The following STK39 variants were observed in gnomAD, a reference collection of about 807,000 sequenced individuals.
STK39 encodes STE20/SPS1-related proline-alanine-rich protein kinase.
STK39 carries 20 observed loss-of-function variants against 77.8 expected under a neutral mutation model. The observed-to-expected ratio is 0.26, with a 90% CI of 0.18 to 0.37. STK39 has a LOEUF of 0.37. STK39 is among the 10% of genes least tolerant of loss of function. STK39 has a pLI of 1.00. For synonymous variants in STK39, 246 were observed against 234.1 expected, an observed-to-expected ratio of 1.05 and a Z score of -0.47; for missense variants, 479 against 656.5, an observed-to-expected ratio of 0.73 and a Z score of 2.95.
intron 16 of STK39, among the ~76,000 whole-genome samples, chr2:167,972,102 G>C (rs951910709): frequency 6.6e-6 from 1 of 152,212 alleles, no homozygotes; most frequent in African/African-American, 2.4e-5. Context: ...CAGGGCTACA[G>C]TGTGGCAAGC....
chr2:167,998,753 G>A (rs998137079), intron 16 of STK39, among the ~76,000 whole-genome samples: 7 of 152,104 alleles, frequency 4.6e-5, no homozygotes, highest in Admixed American at 2.0e-4. Flanking sequence ...ATTACAAATC[G>A]CTTTTCAATG....
intron 10 of STK39, among the ~76,000 whole-genome samples, chr2:168,100,384 G>C (rs947309227): frequency 6.6e-6 from 1 of 152,088 alleles, no homozygotes; most frequent in Non-Finnish European, 1.5e-5. Flanking sequence ...ATCAGGATAC[G>C]TCATTTTACC....
chr2:168,071,036 T>C (rs990266351), intron 12 of STK39, among the ~76,000 whole-genome samples: 2 of 152,200 alleles, frequency 1.3e-5, no homozygotes. Flanking sequence ...TGATTAATAC[T>C]GTAATACTTG....
At chr2:167,984,359 G>A (rs1427104644) in intron 16 of STK39, among the ~76,000 whole-genome samples, 1 of 152,178 alleles carries the variant, frequency 6.6e-6, no homozygotes, top group Non-Finnish European at 1.5e-5. Context: ...TCGAGAGGGA[G>A]GTGACACTCA....
At chr2:167,981,380 A>G (rs1683413410) in intron 16 of STK39, among the ~76,000 whole-genome samples, 1 of 152,202 alleles carries the variant, frequency 6.6e-6, no homozygotes, top group African/African-American at 2.4e-5. Context: ...TGCAAATAAT[A>G]TTATCCTGCT....
At chr2:168,085,332 C>T (rs915683540) in intron 10 of STK39, among the ~76,000 whole-genome samples, 5 of 152,150 alleles carry the variant, frequency 3.3e-5, no homozygotes, top group Non-Finnish European at 2.9e-5. Flanking sequence ...AAGGAGCTGG[C>T]CACCCACGCC....
intron 1 of STK39, among the ~76,000 whole-genome samples, chr2:168,241,098 G>A (rs1358113271): frequency 6.6e-6 from 1 of 152,196 alleles, no homozygotes; most frequent in East Asian, 1.9e-4. Flanking sequence ...AGATAACCGA[G>A]TAGCCAGAGG....
At chr2:167,999,368 G>C (rs1406372539) in intron 16 of STK39, among the ~76,000 whole-genome samples, 1 of 152,126 alleles carries the variant, frequency 6.6e-6, no homozygotes, top group African/African-American at 2.4e-5. Flanking sequence ...TCTGCCTCTC[G>C]AGTTGGACTG....
At chr2:168,085,662 T>C (rs1407892896) in intron 10 of STK39, among the ~76,000 whole-genome samples, 1 of 152,182 alleles carries the variant, frequency 6.6e-6, no homozygotes, top group African/African-American at 2.4e-5. Context: ...GAGATGTAAG[T>C]TGTTGTGGCC....
chr2:167,991,153 T>C (rs1362828658), intron 16 of STK39, among the ~76,000 whole-genome samples: 1 of 152,226 alleles, frequency 6.6e-6, no homozygotes, highest in African/African-American at 2.4e-5. Flanking sequence ...CACAAAAATG[T>C]TGTAATGGCC....
At chr2:168,089,034 G>A (rs941491569) in intron 10 of STK39, among the ~76,000 whole-genome samples, 5 of 152,154 alleles carry the variant, frequency 3.3e-5, no homozygotes, top group South Asian at 2.1e-4. Flanking sequence ...GCTCCCCAGC[G>A]ATGTTAATCA....
At chr2:168,209,855 C>T (rs1257186210) in intron 1 of STK39, among the ~76,000 whole-genome samples, 8 of 151,966 alleles carry the variant, frequency 5.3e-5, no homozygotes, top group Non-Finnish European at 8.8e-5. Context: ...AAAAACTAAT[C>T]AGGCGTGGTG....
At chr2:168,173,407 G>A (rs937342025) in intron 2 of STK39, among the ~76,000 whole-genome samples, 1 of 152,104 alleles carries the variant, frequency 6.6e-6, no homozygotes, top group East Asian at 1.9e-4. Context: ...TAAGTAGCAG[G>A]TTTAACCAAA....
rs201541153 is a variant in STK39, at chr2:168,046,150, G to A, written c.1376+17350C>T. Among the ~76,000 whole-genome samples the A allele has an allele frequency of 8.1e-4, 123 of 152,106 alleles. 1 individual carries two copies. In the East Asian group the frequency reaches 0.013, roughly 16 times the overall value. ...TGGGAGGCTGAGGCGGGCGGATCACGAGGTCAGGAGATCGAGACCATCCTG... is the reference window on the plus strand; with the variant it reads ...TGGGAGGCTGAGGCGGGCGGATCACAAGGTCAGGAGATCGAGACCATCCTG... On this transcript the variant is annotated intron_variant, in intron 14 of 17. Coordinates refer to ENST00000355999, the MANE Select transcript of STK39 (RefSeq NM_013233.3).
chr2:168,199,523 C>T (rs186143723), intron 1 of STK39, among the ~76,000 whole-genome samples: 1 of 150,274 alleles, frequency 6.7e-6, no homozygotes, highest in Non-Finnish European at 1.5e-5. Flanking sequence ...GGTAATCCTG[C>T]ATTTTAACTT....
intron 1 of STK39, among the ~76,000 whole-genome samples, chr2:168,244,114 A>G (rs780943341): frequency 1.3e-5 from 2 of 152,226 alleles, no homozygotes; most frequent in Non-Finnish European, 2.9e-5. Context: ...TCGATTTTAC[A>G]TCATTTCCAG....
intron 15 of STK39, among the ~76,000 whole-genome samples, chr2:168,015,819 G>C (rs920213835): frequency 2.6e-5 from 4 of 152,124 alleles, no homozygotes; most frequent in African/African-American, 9.7e-5. Flanking sequence ...AAAATAGATA[G>C]CTTTTTGACA....
chr2:168,232,473 T>C (rs1489503930), intron 1 of STK39, among the ~76,000 whole-genome samples: 2 of 152,214 alleles, frequency 1.3e-5, no homozygotes, highest in African/African-American at 4.8e-5. Flanking sequence ...TTTAATATGA[T>C]AGACGAACAA....
intron 15 of STK39, among the ~76,000 whole-genome samples, chr2:168,013,855 T>C (rs1490817255): frequency 1.3e-5 from 2 of 151,748 alleles, no homozygotes; most frequent in Non-Finnish European, 2.9e-5. Flanking sequence ...CATATGTGCA[T>C]ATACATGTGA....
Sources: allele counts gnomAD v4.1 joint callset (sites outside exome capture counted in the v4.1 genomes callset), GRCh38; gene constraint gnomAD v4.1.1; transcripts MANE v1.5; gene names NCBI Gene and HGNC (gene_info 2026-07-23, HGNC 2026-07-21).